PACS1: variants seen among roughly 807,000 people sequenced by gnomAD.
PACS1 encodes the protein phosphofurin acidic cluster sorting protein 1.
A neutral mutation model predicts 115.0 loss-of-function variants in PACS1; 24 were observed. The ratio of observed to expected loss-of-function variants is 0.21; its 90% confidence interval spans 0.15 to 0.29. The LOEUF (loss-of-function observed/expected upper bound fraction) is 0.29. PACS1 is among the 10% of genes least tolerant of loss of function. The probability of loss-of-function intolerance (pLI) is 1.00; values close to 1 mark genes in which losing one functional copy is unlikely to be tolerated. For synonymous variants in PACS1, 453 were observed against 504.5 expected (o/e 0.90, Z 1.37); for missense variants, 838 against 1,251.2 (o/e 0.67, Z 4.98).
chr11:66,136,476 T>TG (rs149454413), intron 1 of PACS1, among the ~76,000 whole-genome samples: 4,022 of 152,204 alleles, frequency 0.026, 202 homozygotes, highest in African/African-American at 0.091. Flanking sequence ...CTAGGAGTGA[T>TG]GAGCACCATG....
Position 66,227,692 on chromosome 11 carries a change from T to C in PACS1, c.1374+108T>C, listed in dbSNP as rs536774695. On this transcript the variant is annotated intron_variant, in intron 11 of 23. Transcript: ENST00000320580. ...CCACCATAGAAATTTCACCTAAATC[T>C]GCAGGCTTATGAATGTCCTGCACTC... 1.9e-4 allele frequency: 128 copies of C among 669,206 alleles called. 1 individual carries two copies. Among genetic ancestry groups the C allele is most frequent in the Non-Finnish European group, 3.2e-4 (122 of 384,730 alleles). 41.5% of individuals were successfully genotyped at this position (669,206 alleles called of 1,614,324 possible). A position where few individuals can be genotyped will look rare whatever the true frequency, so the allele number is the denominator to read the frequency against.
chr11:66,121,183 ATCAGTGG>A (rs1858432857), intron 1 of PACS1: 1 of 427,818 alleles, frequency 2.3e-6, no homozygotes, highest in Non-Finnish European at 4.7e-6. Context: ...GGTTACGGTG[ATCAGTGG>A]TCTTTGATGC....
At chr11:66,158,281 A>C (rs1023451447) in intron 1 of PACS1, among the ~76,000 whole-genome samples, 1 of 152,222 alleles carries the variant, frequency 6.6e-6, no homozygotes, top group Non-Finnish European at 1.5e-5. Flanking sequence ...CACTTTGAAA[A>C]ACAAATTCCT....
chr11:66,232,621 G>A (rs1855620347), intron 14 of PACS1, among the ~76,000 whole-genome samples: 1 of 152,210 alleles, frequency 6.6e-6, no homozygotes, highest in Non-Finnish European at 1.5e-5. Flanking sequence ...TAACCTCCAG[G>A]GCTGCCCCAT....
chr11:66,084,990 A>G (rs1000393396), intron 1 of PACS1, among the ~76,000 whole-genome samples: 18 of 152,250 alleles, frequency 1.2e-4, no homozygotes, highest in Admixed American at 9.8e-4. Flanking sequence ...CTGAGTCTCA[A>G]TATCCCTAAT....
intron 1 of PACS1, among the ~76,000 whole-genome samples, chr11:66,095,602 C>T (rs937367806): frequency 3.3e-5 from 5 of 152,246 alleles, no homozygotes; most frequent in Admixed American, 6.5e-5. Context: ...GGGTTACAGG[C>T]ACATGCTACC....
chr11:66,221,983 G>A (rs991251464), intron 10 of PACS1, among the ~76,000 whole-genome samples: 1 of 152,196 alleles, frequency 6.6e-6, no homozygotes, highest in Middle Eastern at 3.2e-3. Flanking sequence ...AGGCATGGTG[G>A]TGCACGTCTG....
chr11:66,219,849 C>T (rs369663735), intron 8 of PACS1, 44 bp downstream of exon 8: 29 of 1,378,522 alleles, frequency 2.1e-5, no homozygotes, highest in East Asian at 2.1e-4. Context: ...TAGAATTCCC[C>T]GGGTTTCACC....
chr11:66,074,353 G>A (rs1007176420), intron 1 of PACS1, among the ~76,000 whole-genome samples: 3 of 152,260 alleles, frequency 2.0e-5, no homozygotes, highest in Admixed American at 6.5e-5. Context: ...GGCATGGACC[G>A]TGGTGCAGGG....
chr11:66,102,600 C>T (rs1038179451), intron 1 of PACS1, among the ~76,000 whole-genome samples: 2 of 152,060 alleles, frequency 1.3e-5, no homozygotes, highest in East Asian at 1.9e-4. Context: ...GCTGAGATTA[C>T]AGGCCTGAAT....
At chr11:66,096,216 T>C (rs1481688976) in intron 1 of PACS1, among the ~76,000 whole-genome samples, 4 of 40,954 alleles carry the variant, frequency 9.8e-5, no homozygotes, top group Admixed American at 4.4e-4. Context: ...TTTCTTTTTT[T>C]TTTTTTTTTT....
chr11:66,200,727 A>T (rs1854769348), intron 2 of PACS1, among the ~76,000 whole-genome samples: 1 of 152,178 alleles, frequency 6.6e-6, no homozygotes, highest in Non-Finnish European at 1.5e-5. Flanking sequence ...CCCCACTTTC[A>T]GCATTGGAAA....
At chr11:66,192,495 AAGTT>A (rs1457271419) in intron 1 of PACS1, among the ~76,000 whole-genome samples, 1 of 152,174 alleles carries the variant, frequency 6.6e-6, no homozygotes, top group Non-Finnish European at 1.5e-5. Context: ...AGCCAAAGGA[AAGTT>A]AGTGTGGCTG....
intron 1 of PACS1, among the ~76,000 whole-genome samples, chr11:66,104,691 C>T (rs1857994971): frequency 6.6e-6 from 1 of 152,144 alleles, no homozygotes; most frequent in East Asian, 1.9e-4. Context: ...TTAGAAACAG[C>T]CATGTCTTTG....
intron 1 of PACS1, among the ~76,000 whole-genome samples, chr11:66,118,603 T>G (rs1858362530): frequency 6.6e-6 from 1 of 151,238 alleles, no homozygotes; most frequent in Non-Finnish European, 1.5e-5. Flanking sequence ...CAGAGTGAGA[T>G]CTTGTCTCTA....
chr11:66,205,717 C>T (rs530168854), intron 2 of PACS1, among the ~76,000 whole-genome samples: 2 of 149,004 alleles, frequency 1.3e-5, no homozygotes, highest in African/African-American at 5.0e-5. Flanking sequence ...AGCTCTTATA[C>T]TCCTGGGCTC....
chr11:66,205,046 G>A (rs780049101), intron 2 of PACS1, among the ~76,000 whole-genome samples: 9 of 151,816 alleles, frequency 5.9e-5, no homozygotes, highest in Non-Finnish European at 1.3e-4. Flanking sequence ...GTGCAATGGC[G>A]CAATCTCAGC....
At position 66,091,046 on chromosome 11, in the gene PACS1, T is replaced by C. The variant is rs376806891; in HGVS notation, c.356+20204T>C. On this transcript the variant is annotated intron_variant, in intron 1 of 23. Transcript: ENST00000320580. ...TAGTCTCTTTAATTAGCATTACATT[T>C]AGCATACAGATTCTTAGAAAAGACA... is the stretch of plus-strand genomic sequence containing the variant. Among the ~76,000 whole-genome samples the C allele has an allele frequency of 2.0e-4, 31 of 152,350 alleles. No individual in the cohort carries two copies. In the South Asian group the frequency reaches 5.4e-3, roughly 26 times the overall value.
intron 1 of PACS1, among the ~76,000 whole-genome samples, chr11:66,174,226 A>G (rs971529084): frequency 1.3e-5 from 2 of 152,206 alleles, no homozygotes; most frequent in African/African-American, 4.8e-5. Context: ...AAACCGTAAT[A>G]AGATAACACT....
Sources: allele counts gnomAD v4.1 joint callset (sites outside exome capture counted in the v4.1 genomes callset), GRCh38; gene constraint gnomAD v4.1.1; transcripts MANE v1.5; gene names NCBI Gene and HGNC (gene_info 2026-07-23, HGNC 2026-07-21).